ATP2A2: variants seen among roughly 807,000 people sequenced by gnomAD.
ATP2A2 encodes the protein sarcoplasmic/endoplasmic reticulum calcium ATPase 2.
Under a neutral mutation model 109.3 loss-of-function variants are expected in ATP2A2, and 14 were observed. The ratio of observed to expected loss-of-function variants is 0.13; its 90% CI spans 0.08 to 0.20. ATP2A2 has a LOEUF of 0.20. ATP2A2 is among the 10% of genes least tolerant of loss of function. The pLI is 1.00. For missense variants in ATP2A2, 657 were observed against 1,321.6 expected, an observed-to-expected ratio of 0.50 and a Z score of 7.80; for synonymous variants, 506 against 490.9, an observed-to-expected ratio of 1.03 and a Z score of -0.41.
intron 4 of ATP2A2, among the ~76,000 whole-genome samples, chr12:110,294,008 C>T (rs952942512): frequency 2.0e-5 from 3 of 149,910 alleles, no homozygotes; most frequent in African/African-American, 7.4e-5. Flanking sequence ...TCCCGAGTAG[C>T]TGGGATTATA....
intron 5 of ATP2A2, among the ~76,000 whole-genome samples, chr12:110,319,253 T>C (rs1208679689): frequency 6.8e-6 from 1 of 147,700 alleles, no homozygotes; most frequent in Non-Finnish European, 1.5e-5. Context: ...AAAAGTGGAT[T>C]CCTAGACCCC....
intron 6 of ATP2A2, among the ~76,000 whole-genome samples, chr12:110,324,265 T>G (rs545876990): frequency 5.3e-4 from 80 of 152,306 alleles, no homozygotes; most frequent in African/African-American, 1.9e-3. Flanking sequence ...GGCTCTATTT[T>G]TTTTGGTATT....
intron 4 of ATP2A2, among the ~76,000 whole-genome samples, chr12:110,295,496 C>T (rs530534268): frequency 1.3e-5 from 2 of 152,290 alleles, no homozygotes; most frequent in South Asian, 4.1e-4. Flanking sequence ...ATACAGTGCT[C>T]ATGGGATATT....
Position 110,332,669 on chromosome 12 carries a change from GCAC to G in ATP2A2, c.1170_1172del (p.Pro391del). On this transcript the variant is annotated inframe_deletion, in exon 9 of 20. Transcript: ENST00000539276. The stretch of plus-strand genomic sequence containing the variant: ...GTTTACCATAACTGGATCAACTTAT[GCAC>G]CTATTGGAGAAGTGTGAGTAACCCT... 1 of 1,611,808 alleles carries G rather than the reference GCAC, an allele frequency of 6.2e-7. No homozygotes were observed. The highest frequency in any genetic ancestry group is 8.5e-7 in the Non-Finnish European group (1 of 1,177,876).
chr12:110,299,992 G>T (rs913591117), intron 5 of ATP2A2, among the ~76,000 whole-genome samples: 2 of 151,364 alleles, frequency 1.3e-5, no homozygotes, highest in Non-Finnish European at 3.0e-5. Context: ...CCGACCTCAG[G>T]TGGTCCGCCC....
intron 14 of ATP2A2, among the ~76,000 whole-genome samples, chr12:110,341,402 A>G (rs555808234): frequency 1.6e-4 from 25 of 152,110 alleles, no homozygotes; most frequent in Non-Finnish European, 2.6e-4. Flanking sequence ...TCACCCAGAT[A>G]CATTATGTTA....
In ATP2A2 at chr12:110,348,294, G is replaced by A; in HGVS notation, c.*1824G>A. 1.0e-6 allele frequency: 1 copy of A among 985,386 alleles called. No individual in the cohort carries two copies. The highest frequency in any genetic ancestry group is 1.2e-6 in the Non-Finnish European group (1 of 829,976). The allele number at this position is 985,386 out of a possible 1,614,324, so 61.0% of individuals were successfully genotyped here. On this transcript the variant is annotated 3_prime_UTR_variant, in exon 20 of 20. Transcript: ENST00000539276. ...CCCCCCTTGCTTGGTCTTGTCCTTGGTGGCTAAGACTTAGCTCTGCAGGGG... is the reference window on the plus strand; with the variant it reads ...CCCCCCTTGCTTGGTCTTGTCCTTGATGGCTAAGACTTAGCTCTGCAGGGG...
At position 110,346,876 on chromosome 12, in the gene ATP2A2, T is replaced by C; in HGVS notation, c.*406T>C. The C allele has an allele frequency of 9.1e-7, 1 of 1,098,250 alleles. No individual in the cohort carries two copies. The highest frequency in any genetic ancestry group is 1.1e-6 in the Non-Finnish European group (1 of 898,438). The allele number at this position is 1,098,250 out of a possible 1,614,324, so 68.0% of individuals were successfully genotyped here. On this transcript the variant is annotated 3_prime_UTR_variant, in exon 20 of 20. Transcript: ENST00000539276. ...AAACTAAATAGCATGTATTGTGTCTTTTGCATGATGATCCGGATTTAATTT... is the reference window on the plus strand; with the variant it reads ...AAACTAAATAGCATGTATTGTGTCTCTTGCATGATGATCCGGATTTAATTT...
chr12:110,286,697 A>AT (rs1471290008), intron 3 of ATP2A2, among the ~76,000 whole-genome samples: 1 of 146,690 alleles, frequency 6.8e-6, no homozygotes, highest in Non-Finnish European at 1.5e-5. Context: ...TTTCCTCTTT[A>AT]TTTAAAAAAA....
At chr12:110,341,583 A>G (rs1470137849) in intron 14 of ATP2A2, among the ~76,000 whole-genome samples, 1 of 152,204 alleles carries the variant, frequency 6.6e-6, no homozygotes, top group African/African-American at 2.4e-5. Flanking sequence ...TTTTGAAGGC[A>G]TATTTTTTGG....
At chr12:110,290,044 A>G (rs3026452) in intron 3 of ATP2A2, among the ~76,000 whole-genome samples, 4,607 of 152,310 alleles carry the variant, frequency 0.03, 80 homozygotes, top group East Asian at 0.076. Flanking sequence ...GTGACCAGTT[A>G]CATTTTTGGA....
At chr12:110,326,857 A>G (rs1430501409) in intron 7 of ATP2A2, among the ~76,000 whole-genome samples, 1 of 152,216 alleles carries the variant, frequency 6.6e-6, no homozygotes, top group Non-Finnish European at 1.5e-5. Flanking sequence ...GAAAGCAAAC[A>G]TGGCAAACCA....
At chr12:110,328,105 T>C in intron 8 of ATP2A2, 88 bp downstream of exon 8, 1 of 1,324,674 alleles carries the variant, frequency 7.5e-7, no homozygotes, top group Non-Finnish European at 1.1e-6. Context: ...TTTTGATTTG[T>C]AATTTCATAC....
chr12:110,281,719 C>G lies in ATP2A2; in HGVS notation c.-71C>G. On this transcript the variant is annotated 5_prime_UTR_variant, in exon 1 of 20. Coordinates refer to ENST00000539276, the MANE Select transcript of ATP2A2 (RefSeq NM_170665.4). Reference sequence around the variant, plus strand: ...GGGCTCCCGGGGTGGCACGAGCCCGCGGCCGGAGTGCGAGGCGGAGGCGAG... The same window carrying G: ...GGGCTCCCGGGGTGGCACGAGCCCGGGGCCGGAGTGCGAGGCGGAGGCGAG... The G allele has an allele frequency of 8.8e-7, 1 of 1,137,924 alleles. No homozygotes were observed. The highest frequency in any genetic ancestry group is 1.2e-6 in the Non-Finnish European group (1 of 854,654). The allele number at this position is 1,137,924 out of a possible 1,614,324, so 70.5% of individuals were successfully genotyped here. A position where few individuals can be genotyped will look rare whatever the true frequency, so the allele number is the denominator to read the frequency against.
intron 5 of ATP2A2, among the ~76,000 whole-genome samples, chr12:110,314,336 G>GA (rs398055936): frequency 0.52 from 63,704 of 122,422 alleles, 15,958 homozygotes; most frequent in African/African-American, 0.71. Flanking sequence ...CTCAAAAAAA[G>GA]AAAAAAAAAA....
rs1181070702 is a variant in ATP2A2, at chr12:110,340,027, AT to A, written c.1761+309del. ...TCATGATTTTTTTTAAATTGGTGAC[AT>A]TTCTAGAATATTCATTAGTTACTGA... is the stretch of plus-strand genomic sequence containing the variant. On this transcript the variant is annotated intron_variant, in intron 13 of 19. Coordinates refer to ENST00000539276, the MANE Select transcript of ATP2A2 (RefSeq NM_170665.4). This position sits in a 1 kb window ranked among gnomAD's most constrained non-coding sequence, Gnocchi z 6.0. Among the ~76,000 whole-genome samples the A allele has an allele frequency of 1.3e-5, 2 of 152,142 alleles. No homozygotes were observed. Among genetic ancestry groups the A allele is most frequent in the Non-Finnish European group, 2.9e-5 (2 of 68,012 alleles).
At position 110,347,093 on chromosome 12, in the gene ATP2A2, T is replaced by A. The variant is rs1803738; in HGVS notation, c.*623T>A. 4 of 1,113,194 alleles carry A rather than the reference T, an allele frequency of 3.6e-6. No individual in the cohort carries two copies. The highest frequency in any genetic ancestry group is 4.4e-6 in the Non-Finnish European group (4 of 908,848). The allele number at this position is 1,113,194 out of a possible 1,614,324, so 69.0% of individuals were successfully genotyped here. On this transcript the variant is annotated 3_prime_UTR_variant, in exon 20 of 20. Transcript: ENST00000539276. ...TCTTCTTTAGGATTGTGATGGTTCGTTCTGTTTACATCAGTTTTAACGAGA... is the reference window on the plus strand; with the variant it reads ...TCTTCTTTAGGATTGTGATGGTTCGATCTGTTTACATCAGTTTTAACGAGA...
chr12:110,348,870 C>A lies in ATP2A2; in HGVS notation c.*2400C>A. The stretch of plus-strand genomic sequence containing the variant: ...AGAAATGGGTTGAATGGGCCAAATG[C>A]AAGGAGTGCATCTCTGGGCTGCAAA... On this transcript the variant is annotated 3_prime_UTR_variant, in exon 20 of 20. Coordinates refer to ENST00000539276, the MANE Select transcript of ATP2A2 (RefSeq NM_170665.4). 1 of 985,454 alleles carries A rather than the reference C, an allele frequency of 1.0e-6. No individual in the cohort carries two copies. The highest frequency in any genetic ancestry group is 1.2e-6 in the Non-Finnish European group (1 of 829,952). 61.0% of individuals were successfully genotyped at this position (985,454 alleles called of 1,614,324 possible).
intron 3 of ATP2A2, among the ~76,000 whole-genome samples, chr12:110,287,796 A>G (rs1872818029): frequency 6.6e-6 from 1 of 151,824 alleles, no homozygotes; most frequent in South Asian, 2.1e-4. Flanking sequence ...TTGTATTTTT[A>G]GTAGAGACGG....
Sources: gnomAD v4.1 joint callset for allele counts (sites outside exome capture counted in the v4.1 genomes callset) on GRCh38, gnomAD v4.1.1 for gene constraint, Gnocchi (gnomAD v3.1) non-coding constraint, MANE v1.5 for transcripts, NCBI Gene and HGNC (gene_info 2026-07-23, HGNC 2026-07-21) for gene names.